RBFOX1: variants seen among roughly 807,000 people sequenced by gnomAD.
RBFOX1 encodes RNA binding fox-1 homolog 1.
Under a neutral mutation model 57.7 loss-of-function variants are expected in RBFOX1, and 8 were observed. The observed-to-expected ratio is 0.14, with a 90% CI of 0.08 to 0.25. The LOEUF is 0.25. Among genes scored for constraint, RBFOX1 ranks in the 10% least tolerant of loss-of-function variants. RBFOX1 has a pLI of 1.00. For synonymous variants in RBFOX1, 326 were observed against 222.4 expected (o/e 1.47, Z -4.15); for missense variants, 611 against 548.5 (o/e 1.11, Z -1.14).
Position 6,450,857 on chromosome 16 carries a change from A to ATATATATGTG in RBFOX1, c.-64+133807_-64+133808insGTGTATATAT, listed in dbSNP as rs1567304207. Among the ~76,000 whole-genome samples the ATATATATGTG allele has an allele frequency of 1.2e-3, 103 of 82,702 alleles. 18 individuals carry two copies. The highest frequency in any genetic ancestry group is 5.2e-3 in the African/African-American group (99 of 18,970). 54.3% of individuals were successfully genotyped at this position (82,702 alleles called of 152,430 possible). On this transcript the variant is annotated intron_variant, in intron 2 of 15. Transcript: ENST00000550418. ...TATATGTGTATATATATATATATAT[A>ATATATATGTG]TATATATATATATATATCTCCTCTG...
chr16:5,630,406 A>G (rs2048469990), intron 3 of RBFOX1, among the ~76,000 whole-genome samples: 2 of 152,098 alleles, frequency 1.3e-5, no homozygotes, highest in Non-Finnish European at 2.9e-5. Context: ...GCAGTGAGCC[A>G]AGACCACGCT....
intron 2 of RBFOX1, among the ~76,000 whole-genome samples, chr16:5,566,284 C>T (rs1255366493): frequency 6.6e-6 from 1 of 152,078 alleles, no homozygotes; most frequent in Non-Finnish European, 1.5e-5. Context: ...CATAGTTGGG[C>T]TGGCTTATGT....
At chr16:6,688,160 C>T (rs1252100955) in intron 3 of RBFOX1, among the ~76,000 whole-genome samples, 3 of 151,476 alleles carry the variant, frequency 2.0e-5, no homozygotes, top group African/African-American at 4.9e-5. Context: ...GGGGAGGTTT[C>T]AGAAGACTTT....
intron 4 of RBFOX1, among the ~76,000 whole-genome samples, chr16:7,083,274 G>T (rs563116858): frequency 3.3e-5 from 5 of 151,784 alleles, no homozygotes; most frequent in Non-Finnish European, 7.4e-5. Context: ...TGATTAATGG[G>T]AAACAGCTGT....
chr16:6,933,840 C>G (rs948861267), intron 3 of RBFOX1, among the ~76,000 whole-genome samples: 2 of 152,142 alleles, frequency 1.3e-5, no homozygotes, highest in Non-Finnish European at 2.9e-5. Context: ...CTCTCTTTAT[C>G]TTAAGAAATC....
intron 3 of RBFOX1, among the ~76,000 whole-genome samples, chr16:6,939,831 G>T (rs1022101133): frequency 2.0e-5 from 3 of 152,074 alleles, no homozygotes; most frequent in African/African-American, 4.8e-5. Context: ...CACTAAGAGG[G>T]TATCATATAG....
intron 3 of RBFOX1, among the ~76,000 whole-genome samples, chr16:7,006,801 G>A (rs931966678): frequency 6.6e-6 from 1 of 152,138 alleles, no homozygotes; most frequent in Non-Finnish European, 1.5e-5. Flanking sequence ...ACTTAGCAAA[G>A]TTAAGTCACC....
intron 3 of RBFOX1, among the ~76,000 whole-genome samples, chr16:6,722,242 T>A (rs1054743559): frequency 2.6e-5 from 4 of 152,238 alleles, no homozygotes; most frequent in Non-Finnish European, 5.9e-5. Context: ...TCCAAGAGGC[T>A]AAACCGTTTT....
chr16:7,674,384 A>C (rs1269592492), intron 13 of RBFOX1, among the ~76,000 whole-genome samples: 1 of 152,298 alleles, frequency 6.6e-6, no homozygotes, highest in East Asian at 1.9e-4. Flanking sequence ...TCAAGAGTTC[A>C]ATAGTCATTT....
intron 2 of RBFOX1, among the ~76,000 whole-genome samples, chr16:5,471,453 A>G (rs773193768): frequency 1.3e-5 from 2 of 152,158 alleles, no homozygotes; most frequent in African/African-American, 2.4e-5. Flanking sequence ...TATGAAACTA[A>G]CAGAGAGGAT....
chr16:5,298,185 G>T (rs1174823222), intron 1 of RBFOX1, among the ~76,000 whole-genome samples: 1 of 152,162 alleles, frequency 6.6e-6, no homozygotes, highest in Non-Finnish European at 1.5e-5. Flanking sequence ...AAATTTGGAA[G>T]TTTGGATTTT....
At chr16:7,176,150 GGT>G (rs1405582418) in intron 4 of RBFOX1, among the ~76,000 whole-genome samples, 3 of 150,970 alleles carry the variant, frequency 2.0e-5, no homozygotes, top group African/African-American at 4.9e-5. Flanking sequence ...CTACATGCTA[GGT>G]GTGTGATTTT....
intron 2 of RBFOX1, among the ~76,000 whole-genome samples, chr16:6,650,180 T>G (rs1054436786): frequency 2.0e-5 from 3 of 152,240 alleles, no homozygotes; most frequent in African/African-American, 7.2e-5. Context: ...ATATGCCTTT[T>G]TAACAGCAGC....
intron 4 of RBFOX1, among the ~76,000 whole-genome samples, chr16:7,232,467 A>G (rs941847928): frequency 2.0e-5 from 3 of 152,212 alleles, no homozygotes; most frequent in African/African-American, 4.8e-5. Context: ...CTCAATAAAT[A>G]GCCTGCATGC....
At chr16:6,053,582 T>G (rs954446238) in intron 1 of RBFOX1, among the ~76,000 whole-genome samples, 3 of 152,224 alleles carry the variant, frequency 2.0e-5, no homozygotes, top group African/African-American at 7.2e-5. Flanking sequence ...CACAGTTTTA[T>G]CTAATGGGGA....
In RBFOX1 at chr16:6,483,544, G is replaced by A. The variant is rs756645309; in HGVS notation, c.-64+166487G>A. 13 of 1,535,638 alleles carry A rather than the reference G, an allele frequency of 8.5e-6. No homozygotes were observed. In the South Asian group the frequency reaches 1.5e-4, roughly 18 times the overall value. On this transcript the variant is annotated intron_variant, in intron 2 of 15. Coordinates refer to ENST00000550418, the MANE Select transcript of RBFOX1 (RefSeq NM_018723.4). Reference sequence around the variant, plus strand: ...TTGCAGTCGTGGGAGATGCCCTTCAGGTACGGCGAGCGAAGAAGACTCTAA... The same window carrying A: ...TTGCAGTCGTGGGAGATGCCCTTCAAGTACGGCGAGCGAAGAAGACTCTAA...
At chr16:7,448,679 C>G (rs1007597359) in intron 4 of RBFOX1, among the ~76,000 whole-genome samples, 5 of 152,138 alleles carry the variant, frequency 3.3e-5, no homozygotes, top group Non-Finnish European at 7.3e-5. Context: ...TCTCTCCTGG[C>G]TCCTGGTGGC....
chr16:6,834,468 C>T (rs756003582), intron 3 of RBFOX1, among the ~76,000 whole-genome samples: 19 of 151,908 alleles, frequency 1.3e-4, no homozygotes, highest in Admixed American at 3.9e-4. Flanking sequence ...TATAGCCTTG[C>T]CTGGTACAGA....
At chr16:6,215,504 A>T (rs767135438) in intron 1 of RBFOX1, among the ~76,000 whole-genome samples, 4 of 151,974 alleles carry the variant, frequency 2.6e-5, no homozygotes, top group Non-Finnish European at 5.9e-5. Flanking sequence ...GTGCATGCCC[A>T]TATTTTTTTC....
Sources: gnomAD v4.1 joint callset for allele counts (sites outside exome capture counted in the v4.1 genomes callset) on GRCh38, gnomAD v4.1.1 for gene constraint, MANE v1.5 for transcripts, NCBI Gene and HGNC (gene_info 2026-07-23, HGNC 2026-07-21) for gene names.